THUMPD2: variants seen among roughly 807,000 people sequenced by gnomAD.
THUMPD2 encodes THUMP domain 2 tRNA and snRNA guanosine methyltransferase.
A neutral mutation model predicts 49.4 loss-of-function variants in THUMPD2; 56 were observed. The ratio of observed to expected loss-of-function variants is 1.13; its 90% confidence interval spans 0.91 to 1.41. The LOEUF is 1.41. THUMPD2 is among the 40% of genes most tolerant of loss of function. The pLI is 0.00. For synonymous variants in THUMPD2, 237 were observed against 205.2 expected, an observed-to-expected ratio of 1.15 and a Z score of -1.32; for missense variants, 709 against 594.5, an observed-to-expected ratio of 1.19 and a Z score of -2.00.
chr2:39,748,637 G>T (rs1233183822), intron 8 of THUMPD2, among the ~76,000 whole-genome samples: 1 of 151,636 alleles, frequency 6.6e-6, no homozygotes, highest in Non-Finnish European at 1.5e-5. Context: ...GCAGTGAGCC[G>T]AAATTGCGCC....
intron 3 of THUMPD2, 86 bp downstream of exon 3, chr2:39,769,624 C>A (rs1678040546): frequency 1.5e-6 from 2 of 1,349,020 alleles, no homozygotes; most frequent in Non-Finnish European, 2.0e-6. Flanking sequence ...ATCACCTGAA[C>A]CTGGGAGGTG....
intron 2 of THUMPD2, among the ~76,000 whole-genome samples, chr2:39,770,361 A>G (rs1678151563): frequency 6.6e-6 from 1 of 152,188 alleles, no homozygotes; most frequent in African/African-American, 2.4e-5. Context: ...CTATAGAATT[A>G]CCATATAATA....
chr2:39,761,211 TAAAGAAAAAGCGTCAAGA>T (rs1676780127), intron 6 of THUMPD2, 102 bp downstream of exon 6: 3 of 845,286 alleles, frequency 3.5e-6, no homozygotes, highest in Admixed American at 4.8e-5. Flanking sequence ...GAAAAGAAGT[TAAAGAAAAAGCGTCAAGA>T]AAAGAAAAAG....
intron 1 of THUMPD2, 107 bp from the exon 2 acceptor site, chr2:39,771,747 G>A: frequency 8.5e-7 from 1 of 1,176,126 alleles, no homozygotes; most frequent in Non-Finnish European, 1.2e-6. Context: ...AACCATTTCT[G>A]AAGTATCTAC....
At chr2:39,762,376 ATCTT>A (rs1291939507) in intron 5 of THUMPD2, among the ~76,000 whole-genome samples, 1 of 152,136 alleles carries the variant, frequency 6.6e-6, no homozygotes, top group East Asian at 1.9e-4. Flanking sequence ...TTTGCCTCTC[ATCTT>A]TCTTTGACTT....
intron 8 of THUMPD2, among the ~76,000 whole-genome samples, chr2:39,745,101 C>T (rs1248846311): frequency 6.6e-6 from 1 of 152,078 alleles, no homozygotes; most frequent in Non-Finnish European, 1.5e-5. Context: ...TACACTCTAC[C>T]CTAACATCCA....
In THUMPD2 at chr2:39,736,947, C is replaced by T. The variant is rs1219844984; in HGVS notation, c.1300G>A (p.Asp434Asn). The part of the protein sequence containing the change: ...IPFNSKDSHT[D>N]EPGIKKCLNP... ...AAGCACTTTTTAATTCCAGGTTCAT[C>T]TGTGTGACTGTCCTTGGAATTGAAA... is the stretch of plus-strand genomic sequence containing the variant. The change falls in exon 10 of 10, where the codon GAT (aspartate) becomes AAT (asparagine). Residue 434 changes from aspartate (D) to asparagine (N), a missense_variant. Transcript: ENST00000505747. The T allele has an allele frequency of 1.2e-6, 2 of 1,613,974 alleles. No homozygotes were observed. Among genetic ancestry groups the T allele is most frequent in the African/African-American group, 2.7e-5 (2 of 74,904 alleles).
chr2:39,752,787 A>G (rs763074575), intron 8 of THUMPD2, among the ~76,000 whole-genome samples: 2 of 152,226 alleles, frequency 1.3e-5, no homozygotes, highest in African/African-American at 2.4e-5. Flanking sequence ...AAACCTATCA[A>G]ATGTGTAGAG....
chr2:39,769,678 G>T, intron 3 of THUMPD2, 32 bp downstream of exon 3: 1 of 1,472,930 alleles, frequency 6.8e-7, no homozygotes, highest in Non-Finnish European at 8.9e-7. Flanking sequence ...TCCAGCCTGG[G>T]CGACAGACTC....
intron 9 of THUMPD2, among the ~76,000 whole-genome samples, chr2:39,738,083 T>C (rs1273432910): frequency 1.3e-5 from 2 of 152,002 alleles, no homozygotes; most frequent in Non-Finnish European, 2.9e-5. Flanking sequence ...TAATGGTGGA[T>C]GGGATCACCT....
intron 1 of THUMPD2, among the ~76,000 whole-genome samples, chr2:39,778,059 T>C (rs980253740): frequency 6.6e-6 from 1 of 152,204 alleles, no homozygotes; most frequent in Non-Finnish European, 1.5e-5. Context: ...TTTGCGATTT[T>C]CTAGTTGCAT....
chr2:39,771,010 TATGCCCCCTTTACCTCTA>T (rs58712296), intron 2 of THUMPD2, among the ~76,000 whole-genome samples: 62,454 of 151,794 alleles, frequency 0.41, 14,382 homozygotes, highest in East Asian at 0.75. Flanking sequence ...AGGAATCTCT[TATGCCCCCTTTACCTCTA>T]ATGCTTGGTA....
rs555852300 is a variant in THUMPD2, at chr2:39,741,882, G to A, written c.1187+2488C>T. ...TTGGGATAAAAATTATGTGTACTCC[G>A]ATATATTTAAATATATCCTCACACA... On this transcript the variant is annotated intron_variant, in intron 9 of 9. Transcript: ENST00000505747. Among the ~76,000 whole-genome samples, 12 of 152,036 alleles carry A rather than the reference G, an allele frequency of 7.9e-5. No homozygotes were observed. In the East Asian group the frequency reaches 1.7e-3, roughly 22 times the overall value.
At chr2:39,778,905 G>C (rs1206252545) in intron 1 of THUMPD2, among the ~76,000 whole-genome samples, 1 of 152,220 alleles carries the variant, frequency 6.6e-6, no homozygotes, top group Non-Finnish European at 1.5e-5. Context: ...GAGAAGTGAG[G>C]AACTGGATTT....
chr2:39,757,320 A>G (rs191746245), intron 6 of THUMPD2: 2 of 1,097,836 alleles, frequency 1.8e-6, no homozygotes, highest in African/African-American at 1.6e-5. Context: ...CTACAGAGGA[A>G]GCAGAGTCCT....
intron 9 of THUMPD2, among the ~76,000 whole-genome samples, chr2:39,737,426 C>T (rs1012190164): frequency 5.9e-5 from 9 of 151,984 alleles, no homozygotes; most frequent in East Asian, 1.9e-4. Context: ...AGTTAGGACA[C>T]GAACAAAGAA....
intron 5 of THUMPD2, among the ~76,000 whole-genome samples, chr2:39,765,769 A>G (rs1485330006): frequency 2.0e-5 from 3 of 152,170 alleles, no homozygotes; most frequent in Non-Finnish European, 2.9e-5. Context: ...AGGTATAGGT[A>G]TAGGGCTGTG....
intron 9 of THUMPD2, among the ~76,000 whole-genome samples, chr2:39,743,655 C>A (rs889813156): frequency 6.6e-6 from 1 of 152,162 alleles, no homozygotes; most frequent in Non-Finnish European, 1.5e-5. Flanking sequence ...GCACCTCCCC[C>A]TTCTCCCTCT....
intron 9 of THUMPD2, among the ~76,000 whole-genome samples, chr2:39,739,990 A>G (rs1057287512): frequency 6.6e-6 from 1 of 152,236 alleles, no homozygotes; most frequent in Non-Finnish European, 1.5e-5. Flanking sequence ...TAGTAGTAGA[A>G]TAACAGTGAT....
Sources: allele counts gnomAD v4.1 joint callset (sites outside exome capture counted in the v4.1 genomes callset), GRCh38; gene constraint gnomAD v4.1.1; transcripts MANE v1.5; gene names NCBI Gene and HGNC (gene_info 2026-07-23, HGNC 2026-07-21).